Variants in MEGF6 observed in about 807,000 individuals in gnomAD.
The protein encoded by MEGF6 is multiple epidermal growth factor-like domains protein 6.
MEGF6 carries 184 observed loss-of-function variants against 207.1 expected under a neutral mutation model. The ratio of observed to expected loss-of-function variants is 0.89; its 90% confidence interval spans 0.79 to 1.00. The LOEUF (loss-of-function observed/expected upper bound fraction) is 1.00. Ranked by LOEUF, MEGF6 falls within the 50% of genes least tolerant of loss-of-function variation. The pLI, the probability that MEGF6 is intolerant of heterozygous loss-of-function variation, is 0.00. For missense variants in MEGF6, 2,282 were observed against 2,202.9 expected, an observed-to-expected ratio of 1.04 and a Z score of -0.72; for synonymous variants, 1,038 against 910.0, an observed-to-expected ratio of 1.14 and a Z score of -2.53.
chr1:3,492,642 C>G lies in MEGF6; in HGVS notation c.4513G>C (p.Glu1505Gln). The G allele has an allele frequency of 6.2e-7, 1 of 1,609,854 alleles. No homozygotes were observed. The highest frequency in any genetic ancestry group is 2.2e-5 in the East Asian group (1 of 44,766). The part of the protein sequence containing the change: ...VDGYMGPTCR[E>Q]GGPLRLPENP... ...TTCCCCAGGAAGCCCAGCTCACCTT[C>G]CCGGCACGTGGGCCCCATGTAGCCA... Residue 1505 changes from glutamate (E) to glutamine (Q), a missense_variant, in exon 35 of 37, where the codon GAA becomes CAA. Glu to Gln is a conservative substitution (Grantham distance 29). Coordinates refer to ENST00000356575, the MANE Select transcript of MEGF6 (RefSeq NM_001409.4).
At chr1:3,519,820 CTCACTG>C (rs978579412) in intron 5 of MEGF6, among the ~76,000 whole-genome samples, 15 of 152,338 alleles carry the variant, frequency 9.8e-5, no homozygotes, top group African/African-American at 3.6e-4. Flanking sequence ...TATGCAGCCT[CTCACTG>C]CTGTGATGGG....
intron 30 of MEGF6, 141 bp from the exon 31 acceptor site, chr1:3,494,882 ACAT>A: frequency 7.6e-7 from 1 of 1,308,918 alleles, no homozygotes; most frequent in Non-Finnish European, 1.0e-6. Flanking sequence ...CTGGGCGGGC[ACAT>A]GCCAGGGAGT....
chr1:3,574,888 G>A (rs1173310618), intron 4 of MEGF6, among the ~76,000 whole-genome samples: 2 of 152,054 alleles, frequency 1.3e-5, no homozygotes, highest in Admixed American at 6.5e-5. Context: ...AGTGATACAC[G>A]TGCCTCGGCC....
upstream of MEGF6, among the ~76,000 whole-genome samples, chr1:3,614,254 C>T (rs1316980645): frequency 6.6e-6 from 1 of 152,232 alleles, no homozygotes; most frequent in Non-Finnish European, 1.5e-5. Context: ...AGCCCAGGTC[C>T]TCTGCCCAGC....
intron 1 of MEGF6, among the ~76,000 whole-genome samples, chr1:3,607,109 G>A (rs1644260525): frequency 1.3e-5 from 2 of 151,888 alleles, no homozygotes; most frequent in African/African-American, 4.8e-5. Flanking sequence ...CTGAGGGGTT[G>A]GGTGCTCCCC....
Position 3,508,588 on chromosome 1 carries a change from C to T in MEGF6, c.1630G>A (p.Glu544Lys), listed in dbSNP as rs755107016. The T allele has an allele frequency of 5.6e-5, 91 of 1,613,348 alleles. No homozygotes were observed. Among genetic ancestry groups the T allele is most frequent in the Non-Finnish European group, 7.4e-5 (87 of 1,179,928 alleles). ...TTGCAGATGAGCCCAGTCCAGCCCT[C>T]GGGGCAATCACAGCCATCCAGGCCC... ...LLGLDGCDCP[E>K]GWTGLICNET... is the part of the protein sequence containing the mutation. The change falls in exon 13 of 37, where the codon GAG (glutamate) becomes AAG (lysine). Residue 544 changes from glutamate (E) to lysine (K), a missense_variant. Physicochemically the swap from Glu to Lys is moderately conservative, Grantham distance 56. Coordinates refer to ENST00000356575, the MANE Select transcript of MEGF6 (RefSeq NM_001409.4).
At chr1:3,586,238 G>A (rs934803030) in intron 3 of MEGF6, among the ~76,000 whole-genome samples, 10 of 152,210 alleles carry the variant, frequency 6.6e-5, no homozygotes, top group African/African-American at 1.2e-4. Flanking sequence ...GGGTGTGAGC[G>A]AGGAGACATG....
At chr1:3,498,864 G>A (rs1640729671) in intron 24 of MEGF6, 38 bp from the exon 25 acceptor site, 1 of 1,542,228 alleles carries the variant, frequency 6.5e-7, no homozygotes. Context: ...GCATCCCCCA[G>A]CCAGCTGGCC....
rs188019353 is a variant in MEGF6 at position 3,562,356 on chromosome 1, C to T, written c.481+17469G>A. Reference sequence around the variant, plus strand: ...TCTGTTTCTCTGTCTCTTTGTCTGTCTCTCCATCTCTCTTTGTGTCTCCCT... The same window carrying T: ...TCTGTTTCTCTGTCTCTTTGTCTGTTTCTCCATCTCTCTTTGTGTCTCCCT... On this transcript the variant is annotated intron_variant, in intron 4 of 36. Transcript: ENST00000356575. Among the ~76,000 whole-genome samples the T allele has an allele frequency of 2.0e-5, 3 of 152,320 alleles. No homozygotes were observed. In the East Asian group the frequency reaches 5.8e-4, roughly 29 times the overall value.
Position 3,496,661 on chromosome 1 carries a change from T to G in MEGF6, c.3736A>C (p.Asn1246His). The G allele has an allele frequency of 1.3e-6, 2 of 1,575,500 alleles. No individual in the cohort carries two copies. The highest frequency in any genetic ancestry group is 1.7e-6 in the Non-Finnish European group (2 of 1,161,028). The change falls in exon 29 of 37, where the codon AAC (asparagine) becomes CAC (histidine). Residue 1246 changes from asparagine (N) to histidine (H), a missense_variant. By Grantham distance (68) the Asn-to-His change is moderately conservative. Coordinates refer to ENST00000356575, the MANE Select transcript of MEGF6 (RefSeq NM_001409.4). ...CPTGFLGTDC[N>H]LTCPQGRFGP... ...GCTGCCACCAGCCACTCACTGAGGT[T>G]GCAGTCCGTCCCGAGGAACCCAGTG...
intron 13 of MEGF6, 124 bp from the exon 14 acceptor site, chr1:3,508,047 C>T: frequency 9.6e-7 from 1 of 1,038,318 alleles, no homozygotes; most frequent in Non-Finnish European, 1.4e-6. Flanking sequence ...GCACTTGTAC[C>T]ACATCACCCC....
chr1:3,611,678 T>C (rs1440304523), upstream of MEGF6, among the ~76,000 whole-genome samples: 1 of 143,268 alleles, frequency 7.0e-6, no homozygotes, highest in Non-Finnish European at 1.5e-5. Context: ...CCCCTGTACT[T>C]GCCCGTATCC....
chr1:3,544,831 G>A (rs928582000), intron 4 of MEGF6, among the ~76,000 whole-genome samples: 109 of 152,216 alleles, frequency 7.2e-4, no homozygotes, highest in Non-Finnish European at 5.7e-4. Context: ...CTTGGGCCGG[G>A]GAACAGCGGG....
intron 32 of MEGF6, 92 bp from the exon 33 acceptor site, chr1:3,494,216 C>T: frequency 6.7e-7 from 1 of 1,490,268 alleles, no homozygotes; most frequent in Non-Finnish European, 8.9e-7. Flanking sequence ...ATCCAGGGGC[C>T]CGAGAAAAGC....
intron 4 of MEGF6, among the ~76,000 whole-genome samples, chr1:3,543,367 G>A (rs1377245633): frequency 2.6e-5 from 4 of 152,356 alleles, no homozygotes; most frequent in Middle Eastern, 3.4e-3. Context: ...CCCTGCGTTC[G>A]TGCTCACTCT....
chr1:3,561,409 T>C (rs1322216074), intron 4 of MEGF6, among the ~76,000 whole-genome samples: 1 of 152,160 alleles, frequency 6.6e-6, no homozygotes, highest in Non-Finnish European at 1.5e-5. Flanking sequence ...ACTAACACTG[T>C]TTCCAGAAGT....
chr1:3,501,899 G>T lies in MEGF6; in HGVS notation c.2211C>A (p.Gly737=). 1.0e-5 allele frequency: 16 copies of T among 1,605,742 alleles called. No homozygotes were observed. Among genetic ancestry groups the T allele is most frequent in the Non-Finnish European group, 1.4e-5 (16 of 1,176,958 alleles). ...CGQECPVGTF[G]VNCSSSCSCG... ...AGGAGCAGGAGCTCGAGCAGTTCAC[G>T]CCAAACGTCCCCACCGGGCACTCTG... is the stretch of plus-strand genomic sequence containing the variant. Residue 737 remains glycine, a synonymous_variant, in exon 18 of 37, where the codon GGC becomes GGA. Transcript: ENST00000356575.
the MEGF6 span, among the ~76,000 whole-genome samples, chr1:3,617,447 A>G: frequency 6.6e-6 from 1 of 152,108 alleles, no homozygotes; most frequent in Non-Finnish European, 1.5e-5. Flanking sequence ...ACATGGACAC[A>G]TGTGGGGAAC....
chr1:3,527,410 G>A (rs1358667356), intron 4 of MEGF6, among the ~76,000 whole-genome samples: 2 of 152,160 alleles, frequency 1.3e-5, no homozygotes, highest in Non-Finnish European at 2.9e-5. Context: ...CTCTGCCTGG[G>A]ACCTCCAGGG....
Sources: allele counts gnomAD v4.1 joint callset (sites outside exome capture counted in the v4.1 genomes callset), GRCh38; gene constraint gnomAD v4.1.1; transcripts MANE v1.5; gene names NCBI Gene and HGNC (gene_info 2026-07-23, HGNC 2026-07-21).